The following KIAA1217 variants were observed in gnomAD, a reference collection of about 807,000 sequenced individuals.
KIAA1217 encodes KIAA1217.
KIAA1217 carries 88 observed loss-of-function variants against 163.9 expected under a neutral mutation model. That is an observed-to-expected ratio of 0.54 (90% CI 0.45 to 0.64). The LOEUF is 0.64. KIAA1217 is among the 30% of genes least tolerant of loss of function. The probability of loss-of-function intolerance (pLI) is 0.00; values close to 1 mark genes in which losing one functional copy is unlikely to be tolerated. For missense variants in KIAA1217, 2,372 were observed against 2,475.0 expected, an observed-to-expected ratio of 0.96 and a Z score of 0.88; for synonymous variants, 903 against 923.1, an observed-to-expected ratio of 0.98 and a Z score of 0.39.
At chr10:23,993,941 C>T (rs999750616) in intron 1 of KIAA1217, among the ~76,000 whole-genome samples, 7 of 152,080 alleles carry the variant, frequency 4.6e-5, no homozygotes, top group Non-Finnish European at 2.9e-5. Context: ...GCCTAAGTCT[C>T]AGCTCAGGCT....
intron 2 of KIAA1217, among the ~76,000 whole-genome samples, chr10:24,119,713 C>T (rs748813849): frequency 3.9e-5 from 6 of 152,162 alleles, no homozygotes; most frequent in Non-Finnish European, 8.8e-5. Context: ...ATCCCTCTAC[C>T]CTCTCGTCCT....
intron 2 of KIAA1217, among the ~76,000 whole-genome samples, chr10:24,138,859 C>T (rs967262023): frequency 2.0e-5 from 3 of 152,104 alleles, no homozygotes; most frequent in South Asian, 4.1e-4. Flanking sequence ...ACTTCAGTGT[C>T]GTGAGATTTT....
intron 1 of KIAA1217, among the ~76,000 whole-genome samples, chr10:23,712,612 G>A (rs1158422783): frequency 2.0e-5 from 3 of 151,906 alleles, no homozygotes; most frequent in Non-Finnish European, 4.4e-5. Context: ...TTAAGCTTTT[G>A]ACAAATAATT....
chr10:24,436,757 CAAAAAAA>C (rs10560676), intron 4 of KIAA1217, among the ~76,000 whole-genome samples: 14 of 70,870 alleles, frequency 2.0e-4, no homozygotes, highest in South Asian at 8.3e-4. Flanking sequence ...GACTCCGTCT[CAAAAAAA>C]AAAAAAAAAA....
chr10:24,495,326 C>A, intron 8 of KIAA1217, 130 bp downstream of exon 8: 2 of 657,206 alleles, frequency 3.0e-6, no homozygotes, highest in Non-Finnish European at 5.2e-6. Context: ...CCTAGATATT[C>A]CTGCCAATAC....
At chr10:23,854,122 A>G (rs957187430) in intron 1 of KIAA1217, among the ~76,000 whole-genome samples, 2 of 151,424 alleles carry the variant, frequency 1.3e-5, no homozygotes, top group Admixed American at 1.3e-4. Context: ...TCAATTTTGG[A>G]TCTTTCCTGC....
chr10:24,460,039 C>A (rs11014097), intron 5 of KIAA1217, among the ~76,000 whole-genome samples: 1 of 152,136 alleles, frequency 6.6e-6, no homozygotes, highest in African/African-American at 2.4e-5. Context: ...CCTGCTGTGC[C>A]GACTGCGGAG....
chr10:23,790,630 T>TAC (rs1227570394), intron 1 of KIAA1217, among the ~76,000 whole-genome samples: 1 of 136,960 alleles, frequency 7.3e-6, no homozygotes, highest in Non-Finnish European at 1.5e-5. Flanking sequence ...TATACATATA[T>TAC]ATGTACATGT....
At chr10:24,504,337 C>T (rs969889782) in intron 9 of KIAA1217, among the ~76,000 whole-genome samples, 1 of 152,136 alleles carries the variant, frequency 6.6e-6, no homozygotes, top group South Asian at 2.1e-4. Context: ...AGCGCAGACT[C>T]GCAGGGAAAA....
intron 2 of KIAA1217, among the ~76,000 whole-genome samples, chr10:24,282,809 C>T (rs2078095560): frequency 7.1e-6 from 1 of 141,050 alleles, no homozygotes; most frequent in Non-Finnish European, 1.5e-5. Context: ...TTCTTTGCTA[C>T]TGAGGTGTTG....
chr10:24,181,180 A>G (rs2066154094), intron 2 of KIAA1217, among the ~76,000 whole-genome samples: 1 of 152,244 alleles, frequency 6.6e-6, no homozygotes, highest in African/African-American at 2.4e-5. Context: ...ACAAGGACTT[A>G]AGATATGATG....
At chr10:24,528,436 C>T (rs2072570748) in intron 14 of KIAA1217, among the ~76,000 whole-genome samples, 1 of 151,962 alleles carries the variant, frequency 6.6e-6, no homozygotes, top group African/African-American at 2.4e-5. Flanking sequence ...ATCCTCCCAC[C>T]TCAGCCTCCC....
rs528514690 is a variant in KIAA1217 at position 24,125,015 on chromosome 10, T to G, written c.-170-94611T>G. On this transcript the variant is annotated intron_variant, in intron 2 of 18. Coordinates refer to the KIAA1217 transcript ENST00000376462. ...TTGGCCGGGTGCAGTGGCTCATGTTTGTAATCCCAGCACTTTGGGAGGCTG... is the reference window on the plus strand; with the variant it reads ...TTGGCCGGGTGCAGTGGCTCATGTTGGTAATCCCAGCACTTTGGGAGGCTG... 1.3e-3 allele frequency among the ~76,000 whole-genome samples: 197 copies of G among 152,268 alleles called. 1 individual carries two copies. The highest frequency in any genetic ancestry group is 4.5e-3 in the African/African-American group (189 of 41,546).
intron 1 of KIAA1217, among the ~76,000 whole-genome samples, chr10:23,938,019 A>G (rs777008432): frequency 6.6e-5 from 10 of 152,180 alleles, no homozygotes; most frequent in Non-Finnish European, 1.3e-4. Flanking sequence ...AGGGCATGGT[A>G]TTAGTAAAGA....
chr10:23,905,470 T>A (rs1270921736), intron 1 of KIAA1217, among the ~76,000 whole-genome samples: 1 of 152,008 alleles, frequency 6.6e-6, no homozygotes, highest in African/African-American at 2.4e-5. Context: ...TGACAGCAGG[T>A]CTTCAAAAAG....
chr10:24,121,945 A>G (rs994397345), intron 2 of KIAA1217, among the ~76,000 whole-genome samples: 5 of 152,164 alleles, frequency 3.3e-5, no homozygotes, highest in Admixed American at 6.5e-5. Context: ...ACAGACATAC[A>G]TATAACTACA....
chr10:24,020,185 T>C (rs1185983965), intron 2 of KIAA1217, among the ~76,000 whole-genome samples: 1 of 152,094 alleles, frequency 6.6e-6, no homozygotes, highest in East Asian at 1.9e-4. Context: ...TGGGTGAGAA[T>C]AGTAGTCCGT....
rs534177806 is a variant in KIAA1217, at chr10:23,919,957, A to T, written c.-320-87268A>T. On this transcript the variant is annotated intron_variant, in intron 1 of 18. Coordinates refer to the KIAA1217 transcript ENST00000376462. ...CTCAGACACAATTTTTACAGGGCAC[A>T]ATCCAGAAAGAGAGGGCTTCCAAGA... Among the ~76,000 whole-genome samples, 2 of 152,258 alleles carry T rather than the reference A, an allele frequency of 1.3e-5. 1 individual carries two copies. Among genetic ancestry groups the T allele is most frequent in the South Asian group, 4.1e-4 (2 of 4,822 alleles).
At chr10:23,949,851 G>T (rs1363390588) in intron 1 of KIAA1217, among the ~76,000 whole-genome samples, 1 of 152,150 alleles carries the variant, frequency 6.6e-6, no homozygotes, top group Non-Finnish European at 1.5e-5. Flanking sequence ...ATTATGAAGT[G>T]AATACGGTGA....
Sources: gnomAD v4.1 joint callset for allele counts (sites outside exome capture counted in the v4.1 genomes callset) on GRCh38, gnomAD v4.1.1 for gene constraint, MANE v1.5 for transcripts, NCBI Gene and HGNC (gene_info 2026-07-23, HGNC 2026-07-21) for gene names.